The following LAMB4 variants were observed in gnomAD, a reference collection of about 807,000 sequenced individuals.
LAMB4 encodes laminin subunit beta-4.
LAMB4 carries 196 observed loss-of-function variants against 199.2 expected under a neutral mutation model. That is an observed-to-expected ratio of 0.98 (90% CI 0.88 to 1.11). The LOEUF is 1.11. Among genes scored for constraint, LAMB4 ranks in the 50% least tolerant of loss-of-function variants. The probability of loss-of-function intolerance (pLI) is 0.00; values close to 1 mark genes in which losing one functional copy is unlikely to be tolerated. For synonymous variants in LAMB4, 744 were observed against 770.6 expected (o/e 0.97, Z 0.57); for missense variants, 2,080 against 2,171.2 (o/e 0.96, Z 0.83).
intron 19 of LAMB4, among the ~76,000 whole-genome samples, chr7:108,067,814 C>T (rs1164172074): frequency 1.3e-5 from 2 of 152,154 alleles, no homozygotes; most frequent in Non-Finnish European, 2.9e-5. Context: ...TGCAGCTCTG[C>T]CTACAGTCAG....
intron 14 of LAMB4, among the ~76,000 whole-genome samples, chr7:108,086,075 C>A (rs1159084876): frequency 2.0e-5 from 3 of 152,192 alleles, no homozygotes; most frequent in Non-Finnish European, 4.4e-5. Context: ...CTGACCCCTT[C>A]TTTTGGGCCT....
intron 11 of LAMB4, among the ~76,000 whole-genome samples, chr7:108,097,264 A>G: frequency 6.6e-6 from 1 of 152,218 alleles, no homozygotes; most frequent in East Asian, 1.9e-4. Flanking sequence ...GAAATTATTT[A>G]CCCAGGGTTT....
At chr7:108,088,746 T>C (rs2037284742) in intron 14 of LAMB4, among the ~76,000 whole-genome samples, 1 of 152,226 alleles carries the variant, frequency 6.6e-6, no homozygotes, top group African/African-American at 2.4e-5. Flanking sequence ...TGTCCAGAAA[T>C]GGGCTTCACT....
chr7:108,121,429 A>T (rs2038593792), intron 2 of LAMB4, among the ~76,000 whole-genome samples: 1 of 152,206 alleles, frequency 6.6e-6, no homozygotes, highest in Non-Finnish European at 1.5e-5. Context: ...TTATACGTTC[A>T]TGCAGATTAT....
chr7:108,023,859 G>C lies in LAMB4; in HGVS notation c.*180C>G, dbSNP rs2034744360. 1.0e-5 allele frequency: 4 copies of C among 396,686 alleles called. No homozygotes were observed. In the East Asian group the frequency reaches 1.5e-4, roughly 15 times the overall value. 24.6% of individuals were successfully genotyped at this position (396,686 alleles called of 1,614,324 possible). A position where few individuals can be genotyped will look rare whatever the true frequency, so the allele number is the denominator to read the frequency against. The stretch of plus-strand genomic sequence containing the variant: ...ATTACTTTCCCCTTTCAATTATGAA[G>C]TGGCATTTTCCTGGTGGCATTTCAA... On this transcript the variant is annotated 3_prime_UTR_variant, in exon 34 of 34. Coordinates refer to ENST00000388781, the MANE Select transcript of LAMB4 (RefSeq NM_007356.3).
rs750369501 is a variant in LAMB4, at chr7:108,030,823, C to A, written c.4975G>T (p.Ala1659Ser). 5.6e-6 allele frequency: 9 copies of A among 1,614,066 alleles called. No individual in the cohort carries two copies. The highest frequency in any genetic ancestry group is 7.6e-6 in the Non-Finnish European group (9 of 1,179,988). Residue 1659 changes from alanine (A) to serine (S), a missense_variant, in exon 32 of 34, where the codon GCT becomes TCT. Transcript: ENST00000388781. ...KVQAESAQHQ[A>S]GSLEKEFVEL... is the part of the protein sequence containing the mutation. ...CTAATGACCTTCTCAAGACTCCCAG[C>A]CTGGTGTTGGGCAGATTCAGCCTGA...
intron 14 of LAMB4, among the ~76,000 whole-genome samples, chr7:108,081,234 C>G (rs2036925178): frequency 1.3e-5 from 2 of 152,242 alleles, no homozygotes; most frequent in Non-Finnish European, 2.9e-5. Context: ...TGGCTGCTGA[C>G]AGCTCACAGT....
At chr7:108,067,427 G>A (rs1454805640) in intron 19 of LAMB4, among the ~76,000 whole-genome samples, 1 of 152,246 alleles carries the variant, frequency 6.6e-6, no homozygotes, top group Non-Finnish European at 1.5e-5. Context: ...ACACTGTGAA[G>A]AGAGAACTAT....
rs758897416 is a variant in LAMB4 at position 108,091,674 on chromosome 7, A to G, written c.1653T>C (p.Tyr551=). ...PGYFFAPLNF[Y]LYEAEEATTL... The stretch of plus-strand genomic sequence containing the variant: ...TTGTGGCTTCCTCTGCCTCGTAGAG[A>G]TAGAAATTCAAAGGAGCAAAGAAGT... Residue 551 remains tyrosine, a synonymous_variant, in exon 14 of 34, where the codon TAT becomes TAC. Transcript: ENST00000388781. 6.2e-7 allele frequency: 1 copy of G among 1,614,180 alleles called. No individual in the cohort carries two copies.
rs1197029789 is a variant in LAMB4, at chr7:108,078,224, A to T, written c.1980T>A (p.Ser660=). The change falls in exon 16 of 34, where the codon TCT becomes TCA. Residue 660 remains serine (S), a synonymous_variant. Transcript: ENST00000388781. ...ACCTCGTAGCCGCTGGTAAGGCAAA[A>T]GACTGAGGCTTTGACTGTAGAGTCT... is the stretch of plus-strand genomic sequence containing the variant. The part of the protein sequence containing the change: ...IPKTLQSKPQ[S]FALPAATRIM... 1 of 1,610,160 alleles carries T rather than the reference A, an allele frequency of 6.2e-7. No homozygotes were observed. Among genetic ancestry groups the T allele is most frequent in the Non-Finnish European group, 8.5e-7 (1 of 1,178,084 alleles).
intron 19 of LAMB4, 124 bp downstream of exon 19, chr7:108,067,892 A>G (rs566738298): frequency 3.5e-6 from 4 of 1,152,466 alleles, no homozygotes; most frequent in Non-Finnish European, 3.8e-6. Context: ...GTACATAGAT[A>G]GTCTGAATAA....
chr7:108,110,052 C>A (rs2038164137), intron 4 of LAMB4, among the ~76,000 whole-genome samples: 1 of 152,124 alleles, frequency 6.6e-6, no homozygotes, highest in African/African-American at 2.4e-5. Context: ...TTTTTAAAGA[C>A]AGAGTCTCGC....
chr7:108,116,094 A>G lies in LAMB4; in HGVS notation c.102T>C (p.Asp34=). The change falls in exon 3 of 34, where the codon GAT becomes GAC. Residue 34 remains aspartate, a synonymous_variant. Coordinates refer to ENST00000388781, the MANE Select transcript of LAMB4 (RefSeq NM_007356.3). The part of the protein sequence containing the change: ...NRGACHPTTG[D]LLVGRNTQLM... ...GCTGCGTGTTCCTGCCCACCAGGAG[A>G]TCACCAGTGGTGGGATGACAGGCAC... The G allele has an allele frequency of 6.2e-7, 1 of 1,613,944 alleles. No homozygotes were observed. Among genetic ancestry groups the G allele is most frequent in the Non-Finnish European group, 8.5e-7 (1 of 1,179,840 alleles).
intron 14 of LAMB4, among the ~76,000 whole-genome samples, chr7:108,088,366 G>A (rs1452750545): frequency 6.6e-6 from 1 of 151,808 alleles, no homozygotes; most frequent in Non-Finnish European, 1.5e-5. Context: ...TTTCGCCTTG[G>A]TTGGCCAGGC....
intron 26 of LAMB4, among the ~76,000 whole-genome samples, chr7:108,049,816 T>C (rs2035771031): frequency 6.6e-6 from 1 of 152,206 alleles, no homozygotes; most frequent in South Asian, 2.1e-4. Flanking sequence ...GCAAATCAGT[T>C]CATCTCTTAT....
intron 2 of LAMB4, among the ~76,000 whole-genome samples, chr7:108,122,575 C>T (rs370271906): frequency 4.6e-5 from 7 of 152,282 alleles, no homozygotes; most frequent in African/African-American, 1.7e-4. Context: ...AGATTCTAAG[C>T]AATTTAGTTA....
intron 23 of LAMB4, among the ~76,000 whole-genome samples, chr7:108,059,137 G>C (rs1425746910): frequency 9.1e-6 from 1 of 109,920 alleles, no homozygotes; most frequent in Non-Finnish European, 1.7e-5. Context: ...ATGGAGTCTT[G>C]CTCAGTCGCC....
intron 31 of LAMB4, 119 bp from the exon 32 acceptor site, chr7:108,031,098 C>A: frequency 1.6e-6 from 1 of 637,776 alleles, no homozygotes; most frequent in Non-Finnish European, 2.6e-6. Flanking sequence ...AATAGTGCCT[C>A]CACTTTTTCT....
intron 23 of LAMB4, 42 bp from the exon 24 acceptor site, chr7:108,057,970 G>T: frequency 7.4e-7 from 1 of 1,349,070 alleles, no homozygotes; most frequent in Non-Finnish European, 1.1e-6. Context: ...AAGTTTTATG[G>T]TCTAAAAAAA....
Sources: gnomAD v4.1 joint callset for allele counts (sites outside exome capture counted in the v4.1 genomes callset) on GRCh38, gnomAD v4.1.1 for gene constraint, MANE v1.5 for transcripts, NCBI Gene and HGNC (gene_info 2026-07-23, HGNC 2026-07-21) for gene names.